EXOC5: variants seen among roughly 807,000 people sequenced by gnomAD.
EXOC5 encodes exocyst complex component 5, also known as SEC10-like 1.
A neutral mutation model predicts 90.8 loss-of-function variants in EXOC5; 17 were observed. The ratio of observed to expected loss-of-function variants is 0.19; its 90% CI spans 0.13 to 0.28. The LOEUF (loss-of-function observed/expected upper bound fraction) is 0.28, where lower values mean the gene tolerates loss of function less well. Ranked by LOEUF, EXOC5 falls within the 10% of genes least tolerant of loss-of-function variation. The probability of loss-of-function intolerance (pLI) is 1.00; values close to 1 mark genes in which losing one functional copy is unlikely to be tolerated. For synonymous variants in EXOC5, 260 were observed against 270.0 expected (o/e 0.96, Z 0.36); for missense variants, 569 against 830.6 (o/e 0.69, Z 3.87).
intron 1 of EXOC5, among the ~76,000 whole-genome samples, chr14:57,259,260 G>A (rs1441938413): frequency 1.3e-5 from 2 of 151,820 alleles, no homozygotes; most frequent in South Asian, 2.1e-4. Flanking sequence ...CATCACATCC[G>A]GCTAATTTTT....
chr14:57,207,003 T>A lies in EXOC5; in HGVS notation c.*1606A>T, dbSNP rs1882677161. 1 of 152,446 alleles carries A rather than the reference T, an allele frequency of 6.6e-6. No homozygotes were observed. The highest frequency in any genetic ancestry group is 2.4e-5 in the African/African-American group (1 of 41,440). The allele number at this position is 152,446 out of a possible 1,614,324, so 9.4% of individuals were successfully genotyped here. A position where few individuals can be genotyped will look rare whatever the true frequency, so the allele number is the denominator to read the frequency against. On this transcript the variant is annotated 3_prime_UTR_variant, in exon 18 of 18. Coordinates refer to ENST00000621441, the MANE Select transcript of EXOC5 (RefSeq NM_006544.4). ...GCAATAGTACAAGCAAATGACTTTC[T>A]CTAGTATCCAAAACCTGCGCTGGCT...
chr14:57,232,719 T>C lies in EXOC5; in HGVS notation c.886A>G (p.Arg296Gly), dbSNP rs368491174. The change falls in exon 10 of 18, where the codon AGG becomes GGG. Residue 296 changes from arginine (R) to glycine (G), a missense_variant. Physicochemically the swap from Arg to Gly is moderately radical, Grantham distance 125. Transcript: ENST00000621441. ...SFVKEQLEEC[R>G]KSDAEQYLKN... ...AGATATTGCTCTGCATCGGACTTCC[T>C]ACATTCTTCTAACTGCTCTTTCACA... The C allele has an allele frequency of 4.5e-6, 7 of 1,549,406 alleles. No individual in the cohort carries two copies. The African/African-American group carries it at 8.2e-5, about 18-fold the overall frequency.
At chr14:57,250,550 T>C (rs999375675) in intron 1 of EXOC5, among the ~76,000 whole-genome samples, 1 of 152,192 alleles carries the variant, frequency 6.6e-6, no homozygotes, top group Non-Finnish European at 1.5e-5. Flanking sequence ...TGGCACCTGA[T>C]TGACCCAAAG....
chr14:57,229,647 T>C, intron 12 of EXOC5, 87 bp downstream of exon 12: 3 of 921,694 alleles, frequency 3.3e-6, no homozygotes, highest in Non-Finnish European at 4.5e-6. Flanking sequence ...ATCCACGATT[T>C]TGGTATCCTC....
At chr14:57,234,371 TCACACCCACC>T (rs537827760) in intron 7 of EXOC5, among the ~76,000 whole-genome samples, 227 of 151,188 alleles carry the variant, frequency 1.5e-3, no homozygotes, top group African/African-American at 5.1e-3. Flanking sequence ...ACACACCCAC[TCACACCCACC>T]CACACACATA....
intron 12 of EXOC5, among the ~76,000 whole-genome samples, chr14:57,225,672 CTCAA>C (rs1472494031): frequency 2.6e-5 from 4 of 151,570 alleles, no homozygotes; most frequent in Admixed American, 2.6e-4. Context: ...TGAGACAAGT[CTCAA>C]TCAATTTGGA....
At chr14:57,225,177 G>A (rs1883267181) in intron 12 of EXOC5, among the ~76,000 whole-genome samples, 1 of 152,130 alleles carries the variant, frequency 6.6e-6, no homozygotes, top group African/African-American at 2.4e-5. Flanking sequence ...GTCAATTGAT[G>A]ACCAACTGGA....
At chr14:57,262,203 C>T (rs905153553) in intron 1 of EXOC5, among the ~76,000 whole-genome samples, 8 of 152,150 alleles carry the variant, frequency 5.3e-5, no homozygotes, top group African/African-American at 1.9e-4. Context: ...ATACTACTCT[C>T]TTAATAGTAT....
At position 57,268,675 on chromosome 14, in the gene EXOC5, C is replaced by G. The variant is rs769852391; in HGVS notation, c.-27G>C. 5.0e-5 allele frequency: 78 copies of G among 1,574,964 alleles called. No individual in the cohort carries two copies. In the South Asian group the frequency reaches 6.1e-4, roughly 12 times the overall value. ...CCGGCCGGCTGAGAGGCTCGCCCCC[C>G]ACTGGATGCCGTCTCCGCTTCACAT... is the stretch of plus-strand genomic sequence containing the variant. On this transcript the variant is annotated 5_prime_UTR_variant, in exon 1 of 18. Transcript: ENST00000621441.
At position 57,205,298 on chromosome 14, in the gene EXOC5, G is replaced by C. The variant is rs1427051162; in HGVS notation, c.*3311C>G. Reference sequence around the variant, plus strand: ...CTTCTAAAGTATAGAATAATTACAGGATAGATCAGAGAGAAATAATACAGA... The same window carrying C: ...CTTCTAAAGTATAGAATAATTACAGCATAGATCAGAGAGAAATAATACAGA... On this transcript the variant is annotated 3_prime_UTR_variant, in exon 18 of 18. Transcript: ENST00000621441. The C allele has an allele frequency of 6.6e-6, 1 of 152,372 alleles. No individual in the cohort carries two copies. Among genetic ancestry groups the C allele is most frequent in the African/African-American group, 2.4e-5 (1 of 41,386 alleles). 9.4% of individuals were successfully genotyped at this position (152,372 alleles called of 1,614,324 possible). A position where few individuals can be genotyped will look rare whatever the true frequency, so the allele number is the denominator to read the frequency against.
In EXOC5 at chr14:57,204,634, GTC is replaced by G. The variant is rs1422473909; in HGVS notation, c.*3973_*3974del. On this transcript the variant is annotated 3_prime_UTR_variant, in exon 18 of 18. Transcript: ENST00000621441. ...CACAAAATATAGTACAAAATATTTG[GTC>G]TCTTTCTATTGTGAAAATTATCAAG... 3 of 152,332 alleles carry G rather than the reference GTC, an allele frequency of 2.0e-5. No homozygotes were observed. The highest frequency in any genetic ancestry group is 2.9e-5 in the Non-Finnish European group (2 of 67,884). 9.4% of individuals were successfully genotyped at this position (152,332 alleles called of 1,614,324 possible).
At chr14:57,265,829 G>A (rs1884654377) in intron 1 of EXOC5, among the ~76,000 whole-genome samples, 1 of 152,168 alleles carries the variant, frequency 6.6e-6, no homozygotes, top group Admixed American at 6.5e-5. Flanking sequence ...CTATCCTGAG[G>A]AGATTTTAAA....
At chr14:57,252,351 C>T (rs1265679962) in intron 1 of EXOC5, among the ~76,000 whole-genome samples, 1 of 152,146 alleles carries the variant, frequency 6.6e-6, no homozygotes, top group Admixed American at 6.5e-5. Context: ...AACATGATTA[C>T]ATACAACCCA....
At chr14:57,220,684 T>C (rs1031841390) in intron 13 of EXOC5, among the ~76,000 whole-genome samples, 11 of 151,960 alleles carry the variant, frequency 7.2e-5, no homozygotes, top group Admixed American at 2.0e-4. Flanking sequence ...CCTGTAGTTA[T>C]AGCTACTCAG....
chr14:57,253,186 T>G (rs747702428), intron 1 of EXOC5, among the ~76,000 whole-genome samples: 1 of 152,074 alleles, frequency 6.6e-6, no homozygotes, highest in Middle Eastern at 3.2e-3. Flanking sequence ...GACACAAATA[T>G]GTAGTTAGAT....
At chr14:57,246,610 G>T in intron 3 of EXOC5, 101 bp downstream of exon 3, 1 of 982,934 alleles carries the variant, frequency 1.0e-6, no homozygotes, top group Non-Finnish European at 1.6e-6. Context: ...AATCTTGACA[G>T]TTACTATCAT....
chr14:57,201,417 A>AGT lies in EXOC5; in HGVS notation c.*7190_*7191dup, dbSNP rs1882494158. On this transcript the variant is annotated 3_prime_UTR_variant, in exon 18 of 18. Transcript: ENST00000621441. ...TAGTGATATCAAGAGAATTCTGATT[A>AGT]GTATATATATATACACACACACACG... 1 of 126,496 alleles carries AGT rather than the reference A, an allele frequency of 7.9e-6. No individual in the cohort carries two copies. The allele number at this position is 126,496 out of a possible 1,614,324, so 7.8% of individuals were successfully genotyped here.
chr14:57,224,427 A>C (rs1258927349), intron 12 of EXOC5, among the ~76,000 whole-genome samples: 1 of 152,250 alleles, frequency 6.6e-6, no homozygotes, highest in Admixed American at 6.5e-5. Context: ...TAAAAGGATA[A>C]GAAAATATCA....
Position 57,205,286 on chromosome 14 carries a change from G to T in EXOC5, c.*3323C>A, listed in dbSNP as rs8003535. On this transcript the variant is annotated 3_prime_UTR_variant, in exon 18 of 18. Coordinates refer to ENST00000621441, the MANE Select transcript of EXOC5 (RefSeq NM_006544.4). Reference sequence around the variant, plus strand: ...AACTGATCTTTTCTTCTAAAGTATAGAATAATTACAGGATAGATCAGAGAG... The same window carrying T: ...AACTGATCTTTTCTTCTAAAGTATATAATAATTACAGGATAGATCAGAGAG... The T allele has an allele frequency of 0.24, 37,038 of 152,000 alleles. 10,875 individuals carry two copies. The highest frequency in any genetic ancestry group is 0.71 in the African/African-American group (29,350 of 41,432). 9.4% of individuals were successfully genotyped at this position (152,000 alleles called of 1,614,324 possible).
Sources: gnomAD v4.1 joint callset for allele counts (sites outside exome capture counted in the v4.1 genomes callset) on GRCh38, gnomAD v4.1.1 for gene constraint, MANE v1.5 for transcripts, NCBI Gene and HGNC (gene_info 2026-07-23, HGNC 2026-07-21) for gene names.